The following FAM117A variants were observed in gnomAD, a reference collection of about 807,000 sequenced individuals.
FAM117A encodes protein FAM117A.
Under a neutral mutation model 44.1 loss-of-function variants are expected in FAM117A, and 21 were observed. The ratio of observed to expected loss-of-function variants is 0.48; its 90% CI spans 0.34 to 0.69. FAM117A has a LOEUF of 0.69. Among genes scored for constraint, FAM117A ranks in the 30% least tolerant of loss-of-function variants. FAM117A has a pLI of 0.01. For missense variants in FAM117A, 498 were observed against 589.9 expected, an observed-to-expected ratio of 0.84 and a Z score of 1.61; for synonymous variants, 220 against 238.3, an observed-to-expected ratio of 0.92 and a Z score of 0.71.
In FAM117A at chr17:49,711,147, G is replaced by A. The variant is rs983041963; in HGVS notation, c.*108C>T. 1.8e-5 allele frequency: 20 copies of A among 1,131,032 alleles called. No individual in the cohort carries two copies. Among genetic ancestry groups the A allele is most frequent in the Admixed American group, 2.6e-5 (1 of 38,120 alleles). 70.1% of individuals were successfully genotyped at this position (1,131,032 alleles called of 1,614,324 possible). The stretch of plus-strand genomic sequence containing the variant: ...ACACAGTAAGTGAAAGAAAGTGCTC[G>A]AAGGCCGAGAGGGAAGGGCCCCTCC... On this transcript the variant is annotated 3_prime_UTR_variant, in exon 8 of 8. Transcript: ENST00000240364.
chr17:49,757,223 A>G (rs1189704543), intron 1 of FAM117A, among the ~76,000 whole-genome samples: 1 of 152,042 alleles, frequency 6.6e-6, no homozygotes, highest in Non-Finnish European at 1.5e-5. Flanking sequence ...GGGGCTCCTG[A>G]GCAAATCCAC....
In FAM117A at chr17:49,775,405, A is replaced by G. The variant is rs150990819; in HGVS notation, c.-621+13092T>C. Among the ~76,000 whole-genome samples the G allele has an allele frequency of 4.9e-3, 745 of 152,280 alleles. 6 individuals are homozygous for G. Among genetic ancestry groups the G allele is most frequent in the Non-Finnish European group, 8.4e-3 (574 of 68,024 alleles). ...TTACTGTGGATTTCCTGTACCCAAC[A>G]CATCTATTCCACAAGACGGCCCTGG... On this transcript the variant is annotated intron_variant, in intron 1 of 7. Coordinates refer to the FAM117A transcript ENST00000513602.
chr17:49,736,602 G>T (rs2073611943), intron 1 of FAM117A, among the ~76,000 whole-genome samples: 1 of 152,186 alleles, frequency 6.6e-6, no homozygotes, highest in South Asian at 2.1e-4. Context: ...CCACTTACCT[G>T]TCCTTTATAC....
At chr17:49,724,223 AG>A (rs2073548715) in intron 2 of FAM117A, among the ~76,000 whole-genome samples, 1 of 152,134 alleles carries the variant, frequency 6.6e-6, no homozygotes, top group South Asian at 2.1e-4. Flanking sequence ...CCTCTCCTCA[AG>A]GCTCCAGGAC....
intron 1 of FAM117A, among the ~76,000 whole-genome samples, chr17:49,740,132 T>G (rs2073626905): frequency 6.6e-6 from 1 of 152,168 alleles, no homozygotes; most frequent in Non-Finnish European, 1.5e-5. Flanking sequence ...GTCAAGTATC[T>G]GCCTGTTGGG....
At chr17:49,716,352 A>G in intron 6 of FAM117A, 37 bp from the exon 7 acceptor site, 1 of 1,491,704 alleles carries the variant, frequency 6.7e-7, no homozygotes, top group Non-Finnish European at 8.9e-7. Context: ...GTGGAGATGA[A>G]GGGAAGGCCT....
At chr17:49,787,016 G>T (rs1349704281) in intron 1 of FAM117A, among the ~76,000 whole-genome samples, 1 of 152,014 alleles carries the variant, frequency 6.6e-6, no homozygotes, top group Non-Finnish European at 1.5e-5. Flanking sequence ...CCCACGAGGT[G>T]GAGCTTGCAG....
At chr17:49,749,689 C>T (rs1171453791) in intron 1 of FAM117A, among the ~76,000 whole-genome samples, 2 of 147,944 alleles carry the variant, frequency 1.4e-5, no homozygotes, top group African/African-American at 4.9e-5. Flanking sequence ...CCTGAATATG[C>T]TCAGTGTGCT....
intron 1 of FAM117A, among the ~76,000 whole-genome samples, chr17:49,736,510 G>A (rs916811844): frequency 6.6e-6 from 1 of 152,192 alleles, no homozygotes; most frequent in Non-Finnish European, 1.5e-5. Context: ...CTCCCAAAGT[G>A]CTGGGATTAC....
chr17:49,716,272 T>C lies in FAM117A; in HGVS notation c.954A>G (p.Pro318=). 6.2e-7 allele frequency: 1 copy of C among 1,609,436 alleles called. No individual in the cohort carries two copies. Among genetic ancestry groups the C allele is most frequent in the Non-Finnish European group, 8.5e-7 (1 of 1,177,450 alleles). Residue 318 remains proline, a synonymous_variant, in exon 7 of 8, where the codon CCA becomes CCG. Coordinates refer to ENST00000240364, the MANE Select transcript of FAM117A (RefSeq NM_030802.4). ...AGGCAGCAAAGGCAAGGACTGGAGA[T>C]GGGCTGCCATCTTCAAGAAAGGCTG... ...GHPAFLEDGS[P]SPVLAFAASP...
chr17:49,727,154 A>G (rs1247775729), intron 2 of FAM117A, among the ~76,000 whole-genome samples: 1 of 151,936 alleles, frequency 6.6e-6, no homozygotes, highest in East Asian at 1.9e-4. Context: ...TAATCCCAGC[A>G]CTTTGGGAGG....
At chr17:49,781,139 T>G (rs1382185773) in intron 1 of FAM117A, among the ~76,000 whole-genome samples, 1 of 152,178 alleles carries the variant, frequency 6.6e-6, no homozygotes, top group East Asian at 1.9e-4. Context: ...TTAGTAACAG[T>G]AACACTGACC....
chr17:49,745,996 G>T (rs537909573), intron 1 of FAM117A, among the ~76,000 whole-genome samples: 48 of 152,264 alleles, frequency 3.2e-4, no homozygotes, highest in Middle Eastern at 3.4e-3. Flanking sequence ...CATTTCATTA[G>T]GTATAATGAT....
At chr17:49,760,113 T>C (rs1056895945) in intron 1 of FAM117A, among the ~76,000 whole-genome samples, 11 of 152,212 alleles carry the variant, frequency 7.2e-5, no homozygotes, top group African/African-American at 2.7e-4. Flanking sequence ...ACACATCACC[T>C]GACAATGGTG....
At chr17:49,745,768 A>C (rs1282364903) in intron 1 of FAM117A, among the ~76,000 whole-genome samples, 2 of 152,240 alleles carry the variant, frequency 1.3e-5, no homozygotes, top group African/African-American at 4.8e-5. Context: ...AGTCTCAAAA[A>C]ACAAATACAG....
At chr17:49,757,099 C>T (rs375117535) in intron 1 of FAM117A, among the ~76,000 whole-genome samples, 1 of 152,158 alleles carries the variant, frequency 6.6e-6, no homozygotes, top group East Asian at 1.9e-4. Flanking sequence ...TCTTCCCAGG[C>T]CTCCCCCAGC....
chr17:49,777,720 G>C (rs2073779076), intron 1 of FAM117A, among the ~76,000 whole-genome samples: 1 of 152,198 alleles, frequency 6.6e-6, no homozygotes, highest in African/African-American at 2.4e-5. Context: ...TGGTTGCAGG[G>C]ATTCTTGGGA....
intron 1 of FAM117A, among the ~76,000 whole-genome samples, chr17:49,750,959 C>T (rs1215657962): frequency 1.3e-5 from 2 of 152,088 alleles, no homozygotes; most frequent in African/African-American, 4.8e-5. Context: ...TGGGATTTTA[C>T]CTTGTGAAGT....
At chr17:49,764,148 A>G, upstream of FAM117A, 1 of 858,886 alleles carries the variant, frequency 1.2e-6, no homozygotes, top group Non-Finnish European at 1.6e-6. Flanking sequence ...CCAACCCCCG[A>G]GGCCGCTGCT....
Sources: allele counts gnomAD v4.1 joint callset (sites outside exome capture counted in the v4.1 genomes callset), GRCh38; gene constraint gnomAD v4.1.1; transcripts MANE v1.5; gene names NCBI Gene and HGNC (gene_info 2026-07-23, HGNC 2026-07-21).